Variants in FAM107B observed in about 807,000 individuals in gnomAD.
FAM107B encodes family with sequence similarity 107 member B.
Under a neutral mutation model 31.5 loss-of-function variants are expected in FAM107B, and 21 were observed. The ratio of observed to expected loss-of-function variants is 0.67; its 90% CI spans 0.47 to 0.96. The LOEUF is 0.96. Among genes scored for constraint, FAM107B ranks in the 40% least tolerant of loss-of-function variants. The pLI, the probability that FAM107B is intolerant of heterozygous loss-of-function variation, is 0.00. For missense variants in FAM107B, 452 were observed against 377.1 expected (o/e 1.20, Z -1.64); for synonymous variants, 157 against 141.5 (o/e 1.11, Z -0.78).
At chr10:14,753,473 G>A in intron 1 of FAM107B, among the ~76,000 whole-genome samples, 1 of 152,222 alleles carries the variant, frequency 6.6e-6, no homozygotes, top group East Asian at 1.9e-4. Context: ...TGATGCTCAA[G>A]TGAAATTCAC....
chr10:14,519,135 G>A lies in FAM107B; in HGVS notation c.*2055C>T, dbSNP rs899320996. On this transcript the variant is annotated 3_prime_UTR_variant, in exon 5 of 5. Transcript: ENST00000181796. The stretch of plus-strand genomic sequence containing the variant: ...ATTCTGCAGATTTGAGTGAGATTAG[G>A]AAAGAAATGCTTTCTTAAGTAACTT... The A allele has an allele frequency of 6.6e-6, 1 of 152,000 alleles. No individual in the cohort carries two copies. The highest frequency in any genetic ancestry group is 1.5e-5 in the Non-Finnish European group (1 of 68,006). The allele number at this position is 152,000 out of a possible 1,614,324, so 9.4% of individuals were successfully genotyped here.
At chr10:14,677,822 C>A (rs1023225690) in intron 1 of FAM107B, among the ~76,000 whole-genome samples, 94 of 152,226 alleles carry the variant, frequency 6.2e-4, no homozygotes, top group African/African-American at 2.1e-3. Context: ...CTAATTGGGG[C>A]GTGTCTCTGG....
At chr10:14,521,365 T>C (rs1845616645) in intron 4 of FAM107B, 59 bp from the exon 5 acceptor site, 1 of 1,374,302 alleles carries the variant, frequency 7.3e-7, no homozygotes, top group Admixed American at 1.8e-5. Context: ...TTCAAAATAC[T>C]CTTCTCTCTT....
chr10:14,672,841 T>G (rs1854593234), intron 1 of FAM107B, among the ~76,000 whole-genome samples: 2 of 152,220 alleles, frequency 1.3e-5, no homozygotes, highest in African/African-American at 4.8e-5. Flanking sequence ...CCAAATACAT[T>G]CACCAATGTA....
intron 1 of FAM107B, among the ~76,000 whole-genome samples, chr10:14,699,994 G>T (rs569538458): frequency 6.6e-6 from 1 of 152,046 alleles, no homozygotes; most frequent in African/African-American, 2.4e-5. Flanking sequence ...ATGCAGTGGC[G>T]CAATCTCAGC....
At chr10:14,557,811 AGGGGCCTAGCC>A (rs1010739921) in intron 2 of FAM107B, among the ~76,000 whole-genome samples, 18 of 152,236 alleles carry the variant, frequency 1.2e-4, no homozygotes, top group African/African-American at 4.1e-4. Context: ...ATGCCATTGG[AGGGGCCTAGCC>A]GGGGCCTAGC....
intron 2 of FAM107B, among the ~76,000 whole-genome samples, chr10:14,594,430 G>C (rs896813839): frequency 6.6e-6 from 1 of 150,644 alleles, no homozygotes; most frequent in Non-Finnish European, 1.5e-5. Context: ...CTTGAGCCCA[G>C]GAGTTCAAGG....
intron 1 of FAM107B, among the ~76,000 whole-genome samples, chr10:14,678,849 A>G (rs1022947444): frequency 2.0e-5 from 3 of 152,230 alleles, no homozygotes; most frequent in African/African-American, 7.2e-5. Context: ...TCCAGGCCTC[A>G]TCACACGGAA....
At chr10:14,660,138 A>T (rs1854193977) in intron 2 of FAM107B, among the ~76,000 whole-genome samples, 1 of 152,174 alleles carries the variant, frequency 6.6e-6, no homozygotes. Context: ...CCTCCAACTT[A>T]CAGGATTCTC....
chr10:14,541,379 T>C (rs1025459584), intron 2 of FAM107B, among the ~76,000 whole-genome samples: 1 of 152,162 alleles, frequency 6.6e-6, no homozygotes, highest in Non-Finnish European at 1.5e-5. Flanking sequence ...CCTTTACAAA[T>C]GTGTGGTTCT....
intron 2 of FAM107B, among the ~76,000 whole-genome samples, chr10:14,591,058 C>T (rs991900664): frequency 6.7e-6 from 1 of 149,134 alleles, no homozygotes; most frequent in Admixed American, 6.7e-5. Flanking sequence ...AAAACTATTT[C>T]AGATGTATCA....
intron 2 of FAM107B, among the ~76,000 whole-genome samples, chr10:14,592,744 A>G (rs1362089359): frequency 1.3e-5 from 2 of 152,370 alleles, no homozygotes; most frequent in Non-Finnish European, 2.9e-5. Context: ...CTGGAATGGA[A>G]AAAGAAACAG....
At chr10:14,571,441 G>A (rs1162628164) in intron 2 of FAM107B, among the ~76,000 whole-genome samples, 1 of 152,102 alleles carries the variant, frequency 6.6e-6, no homozygotes, top group Non-Finnish European at 1.5e-5. Context: ...AAATAATGCA[G>A]ATAAAAGTTA....
chr10:14,695,648 T>A (rs536401657), intron 1 of FAM107B, among the ~76,000 whole-genome samples: 1 of 152,378 alleles, frequency 6.6e-6, no homozygotes, highest in African/African-American at 2.4e-5. Flanking sequence ...TGTATTTTTA[T>A]CTTCAATTTA....
chr10:14,774,897 T>C lies in FAM107B; in HGVS notation c.-234A>G. 1.8e-6 allele frequency: 1 copy of C among 546,256 alleles called. No individual in the cohort carries two copies. Among genetic ancestry groups the C allele is most frequent in the Non-Finnish European group, 3.2e-6 (1 of 308,052 alleles). 33.8% of individuals were successfully genotyped at this position (546,256 alleles called of 1,614,324 possible). A position where few individuals can be genotyped will look rare whatever the true frequency, so the allele number is the denominator to read the frequency against. ...GGGCAATTTCGCGCTCTTCCTTCTG[T>C]GATGCTGTCAGTGGCTAAAGAAAGC... On this transcript the variant is annotated 5_prime_UTR_variant, in exon 1 of 5. Coordinates refer to ENST00000181796, the MANE Select transcript of FAM107B (RefSeq NM_031453.4).
intron 2 of FAM107B, among the ~76,000 whole-genome samples, chr10:14,545,087 C>A (rs1848574224): frequency 6.6e-6 from 1 of 152,068 alleles, no homozygotes; most frequent in Admixed American, 6.5e-5. Flanking sequence ...TGTCACATAA[C>A]CTTTGCAGTA....
chr10:14,601,006 GTCC>G (rs1196659931), intron 2 of FAM107B, among the ~76,000 whole-genome samples: 4 of 152,080 alleles, frequency 2.6e-5, no homozygotes, highest in African/African-American at 9.6e-5. Context: ...GCCTCAAGCA[GTCC>G]TCCTGCTTCA....
At position 14,596,479 on chromosome 10, in the gene FAM107B, T is replaced by C. The variant is rs527442877; in HGVS notation, c.470-65964A>G. Among the ~76,000 whole-genome samples, 3 of 152,276 alleles carry C rather than the reference T, an allele frequency of 2.0e-5. No individual in the cohort carries two copies. The East Asian group carries it at 5.8e-4, about 29-fold the overall frequency. On this transcript the variant is annotated intron_variant, in intron 2 of 4. Coordinates refer to ENST00000181796, the MANE Select transcript of FAM107B (RefSeq NM_031453.4). ...ATTCATTAAATAGTTGCTGAATGAA[T>C]GAAGAAATGTCATAAAGAACTTGAC...
intron 2 of FAM107B, among the ~76,000 whole-genome samples, chr10:14,555,511 T>C (rs953234599): frequency 6.6e-6 from 1 of 152,250 alleles, no homozygotes; most frequent in African/African-American, 2.4e-5. Flanking sequence ...TAATCTAGTT[T>C]TATTTTGCTC....
Sources: allele counts gnomAD v4.1 joint callset (sites outside exome capture counted in the v4.1 genomes callset), GRCh38; gene constraint gnomAD v4.1.1; transcripts MANE v1.5; gene names NCBI Gene and HGNC (gene_info 2026-07-23, HGNC 2026-07-21).